SLC35F1: variants seen among roughly 807,000 people sequenced by gnomAD.
The protein encoded by SLC35F1 is solute carrier family 35 member F1, also known as chromosome 6 open reading frame 169.
SLC35F1 carries 14 observed loss-of-function variants against 48.7 expected under a neutral mutation model. That is an observed-to-expected ratio of 0.29 (90% CI 0.19 to 0.45). The LOEUF is 0.45. SLC35F1 is among the 20% of genes least tolerant of loss of function. The probability of loss-of-function intolerance (pLI) is 1.00; values close to 1 mark genes in which losing one functional copy is unlikely to be tolerated. For missense variants in SLC35F1, 404 were observed against 500.0 expected, an observed-to-expected ratio of 0.81 and a Z score of 1.83; for synonymous variants, 190 against 202.2, an observed-to-expected ratio of 0.94 and a Z score of 0.51.
intron 2 of SLC35F1, among the ~76,000 whole-genome samples, chr6:118,191,422 G>T (rs1008345672): frequency 6.6e-6 from 1 of 152,178 alleles, no homozygotes; most frequent in African/African-American, 2.4e-5. Flanking sequence ...CATGATTGTA[G>T]AGAAGTCTTG....
intron 1 of SLC35F1, among the ~76,000 whole-genome samples, chr6:117,941,808 A>G (rs530367412): frequency 1.3e-5 from 2 of 152,356 alleles, no homozygotes; most frequent in Non-Finnish European, 2.9e-5. Flanking sequence ...GAAAGAAAAC[A>G]GTCCTGCTCC....
At chr6:117,923,604 TATAC>T (rs1210410518) in intron 1 of SLC35F1, among the ~76,000 whole-genome samples, 1 of 20,504 alleles carries the variant, frequency 4.9e-5, no homozygotes, top group African/African-American at 3.8e-4. Context: ...TATGTGTATA[TATAC>T]ATATACATAT....
At chr6:117,938,074 A>G (rs936849659) in intron 1 of SLC35F1, among the ~76,000 whole-genome samples, 12 of 152,310 alleles carry the variant, frequency 7.9e-5, no homozygotes, top group Non-Finnish European at 1.6e-4. Context: ...AAGCCTGCTG[A>G]AATCAGGCCT....
intron 2 of SLC35F1, among the ~76,000 whole-genome samples, chr6:118,207,550 G>A (rs182535673): frequency 1.3e-5 from 2 of 152,276 alleles, no homozygotes; most frequent in African/African-American, 2.4e-5. Context: ...GAACAAAGTC[G>A]TAGACATCAG....
intron 2 of SLC35F1, among the ~76,000 whole-genome samples, chr6:118,230,677 A>T (rs148385866): frequency 5.1e-4 from 77 of 152,308 alleles, no homozygotes; most frequent in African/African-American, 1.7e-3. Flanking sequence ...AGCCTAAAAG[A>T]TACATAACAA....
At chr6:118,250,828 C>T (rs1775564494) in intron 3 of SLC35F1, among the ~76,000 whole-genome samples, 4 of 151,952 alleles carry the variant, frequency 2.6e-5, no homozygotes, top group South Asian at 2.1e-4. Context: ...TACAAAAAGC[C>T]GGACGTGGTG....
chr6:118,037,743 A>G (rs1194565646), intron 1 of SLC35F1, among the ~76,000 whole-genome samples: 4 of 152,110 alleles, frequency 2.6e-5, no homozygotes, highest in African/African-American at 4.8e-5. Flanking sequence ...GCTGAAAACC[A>G]TCATTCTCAG....
intron 3 of SLC35F1, among the ~76,000 whole-genome samples, chr6:118,263,984 T>C (rs1404468401): frequency 2.0e-5 from 3 of 152,224 alleles, no homozygotes; most frequent in African/African-American, 4.8e-5. Context: ...ACTAAAACAT[T>C]GTCCAAAAAA....
At chr6:118,264,515 C>T (rs79697252) in intron 3 of SLC35F1, among the ~76,000 whole-genome samples, 6,081 of 152,296 alleles carry the variant, frequency 0.04, 421 homozygotes, top group African/African-American at 0.14. Context: ...GATTTTCCAA[C>T]TCAAACCATT....
intron 1 of SLC35F1, among the ~76,000 whole-genome samples, chr6:118,081,376 A>T (rs896677222): frequency 6.6e-6 from 1 of 152,052 alleles, no homozygotes; most frequent in African/African-American, 2.4e-5. Context: ...CACACCTGTA[A>T]TCCTAACACT....
At chr6:118,067,005 CA>C (rs1452711827) in intron 1 of SLC35F1, among the ~76,000 whole-genome samples, 4 of 152,148 alleles carry the variant, frequency 2.6e-5, no homozygotes, top group Non-Finnish European at 4.4e-5. Context: ...CACTGTTTAA[CA>C]TTGCTCTTTG....
intron 7 of SLC35F1, among the ~76,000 whole-genome samples, chr6:118,307,494 G>A (rs7764402): frequency 6.6e-6 from 1 of 152,096 alleles, no homozygotes; most frequent in Admixed American, 6.5e-5. Context: ...GGAGAAATAA[G>A]GGACATGAGA....
At chr6:118,268,811 C>A (rs283089) in intron 4 of SLC35F1, among the ~76,000 whole-genome samples, 2 of 151,588 alleles carry the variant, frequency 1.3e-5, no homozygotes, top group African/African-American at 2.4e-5. Context: ...GGTTTCATCA[C>A]ATTGACCAGG....
intron 1 of SLC35F1, among the ~76,000 whole-genome samples, chr6:118,010,769 C>T (rs1408647722): frequency 3.9e-5 from 6 of 152,122 alleles, no homozygotes; most frequent in Non-Finnish European, 5.9e-5. Flanking sequence ...AAGACCATTG[C>T]GAAGTGAGTA....
chr6:117,923,635 G>GTACATATACACATA (rs1775942070), intron 1 of SLC35F1, among the ~76,000 whole-genome samples: 1 of 93,708 alleles, frequency 1.1e-5, no homozygotes, highest in Non-Finnish European at 2.0e-5. Flanking sequence ...ATACATATAT[G>GTACATATACACATA]TACATATGTA....
chr6:118,049,774 A>C (rs1772357889), intron 1 of SLC35F1, among the ~76,000 whole-genome samples: 1 of 151,980 alleles, frequency 6.6e-6, no homozygotes. Context: ...GTGGGACTGT[A>C]AACTAATTCA....
intron 1 of SLC35F1, among the ~76,000 whole-genome samples, chr6:117,942,291 T>A (rs1776242932): frequency 1.3e-5 from 2 of 152,116 alleles, no homozygotes; most frequent in Admixed American, 1.3e-4. Context: ...ACATAGACAC[T>A]GAGAGCTTAG....
intron 1 of SLC35F1, among the ~76,000 whole-genome samples, chr6:118,121,623 A>G (rs1038386602): frequency 2.6e-5 from 4 of 152,180 alleles, no homozygotes; most frequent in African/African-American, 9.7e-5. Flanking sequence ...GTAAATGTTT[A>G]CTTTCAAAGG....
intron 2 of SLC35F1, among the ~76,000 whole-genome samples, chr6:118,160,706 T>C (rs988231041): frequency 6.6e-6 from 1 of 152,190 alleles, no homozygotes; most frequent in Non-Finnish European, 1.5e-5. Context: ...TCCTGGCCCC[T>C]TCTGCTTACA....
Sources: allele counts gnomAD v4.1 joint callset (sites outside exome capture counted in the v4.1 genomes callset), GRCh38; gene constraint gnomAD v4.1.1; transcripts MANE v1.5; gene names NCBI Gene and HGNC (gene_info 2026-07-23, HGNC 2026-07-21).